The following SLCO5A1 variants were observed in gnomAD, a reference collection of about 807,000 sequenced individuals.
SLCO5A1 encodes solute carrier organic anion transporter family member 5A1, also known as organic anion transporter polypeptide-related protein 4.
In SLCO5A1, 39 loss-of-function variants were observed where a neutral mutation model predicts 65.1. The ratio of observed to expected loss-of-function variants is 0.60; its 90% CI spans 0.46 to 0.78. The LOEUF is 0.78. Among genes scored for constraint, SLCO5A1 ranks in the 30% least tolerant of loss-of-function variants. The pLI is 0.00. For synonymous variants in SLCO5A1, 438 were observed against 415.7 expected, an observed-to-expected ratio of 1.05 and a Z score of -0.65; for missense variants, 1,029 against 1,069.4, an observed-to-expected ratio of 0.96 and a Z score of 0.53.
At chr8:69,742,625 C>T (rs1476773527) in intron 4 of SLCO5A1, among the ~76,000 whole-genome samples, 1 of 152,072 alleles carries the variant, frequency 6.6e-6, no homozygotes, top group Non-Finnish European at 1.5e-5. Flanking sequence ...CTTCCAGGTG[C>T]ATATCGATGA....
chr8:69,735,244 T>C (rs993014501), intron 5 of SLCO5A1, among the ~76,000 whole-genome samples: 14 of 152,206 alleles, frequency 9.2e-5, no homozygotes, highest in African/African-American at 3.4e-4. Context: ...AGTTCAGCCA[T>C]TGTGGAAGAC....
At position 69,727,788 on chromosome 8, in the gene SLCO5A1, A is replaced by T. The variant is rs1478670826; in HGVS notation, c.1423+10252T>A. ...TTGATCTTTATAAGAATCTGAGGGT[A>T]AATGCTAAATCTTGGGCAGGAAAGA... is the stretch of plus-strand genomic sequence containing the variant. On this transcript the variant is annotated intron_variant, in intron 5 of 9. Coordinates refer to ENST00000260126, the MANE Select transcript of SLCO5A1 (RefSeq NM_030958.3). 3.3e-5 allele frequency among the ~76,000 whole-genome samples: 5 copies of T among 152,240 alleles called. 1 individual carries two copies. The highest frequency in any genetic ancestry group is 4.4e-5 in the Non-Finnish European group (3 of 68,044).
At chr8:69,730,703 C>A (rs893163782) in intron 5 of SLCO5A1, among the ~76,000 whole-genome samples, 1 of 152,136 alleles carries the variant, frequency 6.6e-6, no homozygotes, top group Non-Finnish European at 1.5e-5. Flanking sequence ...ATGGTTTGTA[C>A]CAGCTTGTCA....
intron 4 of SLCO5A1, among the ~76,000 whole-genome samples, chr8:69,745,268 A>C (rs1273448863): frequency 6.6e-6 from 1 of 151,924 alleles, no homozygotes; most frequent in Non-Finnish European, 1.5e-5. Context: ...TTCTGGTTGC[A>C]AGAAAATTCC....
At position 69,673,062 on chromosome 8, in the gene SLCO5A1, C is replaced by G. The variant is rs368990793; in HGVS notation, c.2354G>C (p.Gly785Ala). 2 of 1,614,088 alleles carry G rather than the reference C, an allele frequency of 1.2e-6. No individual in the cohort carries two copies. Among genetic ancestry groups the G allele is most frequent in the Non-Finnish European group, 1.7e-6 (2 of 1,180,050 alleles). ...TCTAGTCCGGGCATTGTCGGGGTGT[C>G]CCACTCTCTCACTCACGGTGCTCAG... The part of the protein sequence containing the change: ...FPLSTVSERV[G>A]HPDNARTRSC... Residue 785 changes from glycine (G) to alanine (A), a missense_variant, in exon 10 of 10, where the codon GGA becomes GCA. Coordinates refer to ENST00000260126, the MANE Select transcript of SLCO5A1 (RefSeq NM_030958.3).
chr8:69,730,359 G>A (rs566959926), intron 5 of SLCO5A1, among the ~76,000 whole-genome samples: 1 of 152,258 alleles, frequency 6.6e-6, no homozygotes, highest in South Asian at 2.1e-4. Context: ...AACTCTATAG[G>A]GAAGGTAAGA....
rs761082640 is a variant in SLCO5A1, at chr8:69,672,887, G to A, written c.2529C>T (p.Ala843=). The A allele has an allele frequency of 3.1e-6, 5 of 1,610,686 alleles. No individual in the cohort carries two copies. The South Asian group carries it at 4.4e-5, about 14-fold the overall frequency. The part of the protein sequence containing the change: ...ADPGLEESPA[A]LEPPS ...TCAAGCTTCAGGAGGGCGGCTCCAA[G>A]GCAGCGGGGCTCTCTTCCAGCCCCG... The change falls in exon 10 of 10, where the codon GCC becomes GCT. Residue 843 remains alanine, a synonymous_variant. Coordinates refer to ENST00000260126, the MANE Select transcript of SLCO5A1 (RefSeq NM_030958.3).
At chr8:69,817,276 T>C (rs1820447835) in intron 2 of SLCO5A1, among the ~76,000 whole-genome samples, 1 of 152,228 alleles carries the variant, frequency 6.6e-6, no homozygotes, top group Non-Finnish European at 1.5e-5. Context: ...TTATTTTCAC[T>C]TAGCATAATA....
At chr8:69,683,716 C>T (rs895073770) in intron 6 of SLCO5A1, among the ~76,000 whole-genome samples, 1 of 152,146 alleles carries the variant, frequency 6.6e-6, no homozygotes, top group African/African-American at 2.4e-5. Context: ...GCACCTGCCA[C>T]CATGCCCGGC....
chr8:69,705,296 G>C, intron 5 of SLCO5A1, 67 bp from the exon 6 acceptor site: 6 of 1,511,604 alleles, frequency 4.0e-6, no homozygotes, highest in Non-Finnish European at 5.5e-6. Context: ...TATCTATTCT[G>C]TCTCTTGCTC....
chr8:69,689,858 T>G (rs1031889441), intron 6 of SLCO5A1, among the ~76,000 whole-genome samples: 2 of 152,110 alleles, frequency 1.3e-5, no homozygotes, highest in South Asian at 4.2e-4. Flanking sequence ...TAAAGTAGTT[T>G]TTTCCAATTC....
rs1586663543 is a variant in SLCO5A1 at position 69,670,167 on chromosome 8, A to G, written c.*2702T>C. 2.0e-5 allele frequency: 3 copies of G among 152,368 alleles called. No individual in the cohort carries two copies. In the East Asian group the frequency reaches 5.8e-4, roughly 29 times the overall value. 9.4% of individuals were successfully genotyped at this position (152,368 alleles called of 1,614,324 possible). A position where few individuals can be genotyped will look rare whatever the true frequency, so the allele number is the denominator to read the frequency against. Reference sequence around the variant, plus strand: ...TTAAAGCTAAATAATATATGAATTTACAGTTTATAAAGGACAAGATGACCT... The same window carrying G: ...TTAAAGCTAAATAATATATGAATTTGCAGTTTATAAAGGACAAGATGACCT... On this transcript the variant is annotated 3_prime_UTR_variant, in exon 10 of 10. Coordinates refer to ENST00000260126, the MANE Select transcript of SLCO5A1 (RefSeq NM_030958.3).
intron 5 of SLCO5A1, among the ~76,000 whole-genome samples, chr8:69,732,209 A>G (rs1161170897): frequency 6.6e-6 from 1 of 152,228 alleles, no homozygotes; most frequent in Admixed American, 6.5e-5. Context: ...GGTTATTTAG[A>G]CAACAATAAA....
chr8:69,773,472 T>C (rs1338548534), intron 2 of SLCO5A1, among the ~76,000 whole-genome samples: 4 of 152,160 alleles, frequency 2.6e-5, no homozygotes, highest in Non-Finnish European at 5.9e-5. Flanking sequence ...GCACCAGTCA[T>C]TGGGATTCAG....
At chr8:69,820,692 A>C (rs1346291978) in intron 2 of SLCO5A1, among the ~76,000 whole-genome samples, 1 of 152,118 alleles carries the variant, frequency 6.6e-6, no homozygotes, top group Non-Finnish European at 1.5e-5. Flanking sequence ...TAAAAAAATT[A>C]ATAAAGTTTA....
chr8:69,723,307 A>C (rs1408885798), intron 5 of SLCO5A1, among the ~76,000 whole-genome samples: 1 of 152,058 alleles, frequency 6.6e-6, no homozygotes, highest in African/African-American at 2.4e-5. Context: ...GCTGGAGTGC[A>C]GTGGTGCGAT....
chr8:69,693,482 GGAA>G (rs1814362529), intron 6 of SLCO5A1, among the ~76,000 whole-genome samples: 1 of 152,132 alleles, frequency 6.6e-6, no homozygotes, highest in East Asian at 1.9e-4. Context: ...TTTAATGAAT[GGAA>G]CTGGCTTATA....
intron 6 of SLCO5A1, among the ~76,000 whole-genome samples, chr8:69,704,232 T>C (rs1814871220): frequency 6.6e-6 from 1 of 152,206 alleles, no homozygotes; most frequent in Non-Finnish European, 1.5e-5. Flanking sequence ...ATTTAAACAT[T>C]TGTCAGCAGT....
At chr8:69,712,703 A>G (rs2860461) in intron 5 of SLCO5A1, among the ~76,000 whole-genome samples, 17,783 of 152,200 alleles carry the variant, frequency 0.12, 1,255 homozygotes, top group Non-Finnish European at 0.17. Flanking sequence ...TCTTTCTGTT[A>G]TCTTTCTTTA....
Sources: allele counts gnomAD v4.1 joint callset (sites outside exome capture counted in the v4.1 genomes callset), GRCh38; gene constraint gnomAD v4.1.1; transcripts MANE v1.5; gene names NCBI Gene and HGNC (gene_info 2026-07-23, HGNC 2026-07-21).